GPR39: variants seen among roughly 807,000 people sequenced by gnomAD.
GPR39 encodes zinc sensing receptor.
Under a neutral mutation model 18.4 loss-of-function variants are expected in GPR39, and 23 were observed. The observed-to-expected ratio is 1.25, with a 90% confidence interval of 0.90 to 1.77. The LOEUF (loss-of-function observed/expected upper bound fraction) is 1.77, where lower values mean the gene tolerates loss of function less well. Ranked by LOEUF, GPR39 falls within the 40% of genes most tolerant of loss-of-function variation. The pLI, the probability that GPR39 is intolerant of heterozygous loss-of-function variation, is 0.00. For synonymous variants in GPR39, 280 were observed against 257.9 expected, an observed-to-expected ratio of 1.09 and a Z score of -0.82; for missense variants, 647 against 602.4, an observed-to-expected ratio of 1.07 and a Z score of -0.78.
chr2:132,416,858 G>T lies in GPR39; in HGVS notation c.-185G>T. The T allele has an allele frequency of 1.3e-6, 1 of 748,176 alleles. No individual in the cohort carries two copies. Among genetic ancestry groups the T allele is most frequent in the Non-Finnish European group, 2.1e-6 (1 of 469,604 alleles). 46.3% of individuals were successfully genotyped at this position (748,176 alleles called of 1,614,324 possible). ...GCGCCTCCTGGGCCTCTCCTAGGTT[G>T]GGCTGCTCCAGCAAGTTTCCATGAA... On this transcript the variant is annotated 5_prime_UTR_variant, in exon 1 of 2. Transcript: ENST00000329321.
intron 1 of GPR39, among the ~76,000 whole-genome samples, chr2:132,560,088 T>A (rs764317119): frequency 6.6e-6 from 1 of 152,080 alleles, no homozygotes; most frequent in Non-Finnish European, 1.5e-5. Flanking sequence ...GGGAGCTGTC[T>A]GCATCCCTCA....
chr2:132,573,082 C>T lies in GPR39; in HGVS notation c.857-72019C>T, dbSNP rs562534930. ...TGGGCTGTATGTCCCATCATTGCTG[C>T]CCCTACTGCCCCATGGGTAAGGCTG... On this transcript the variant is annotated intron_variant, in intron 1 of 1. Coordinates refer to ENST00000329321, the MANE Select transcript of GPR39 (RefSeq NM_001508.3). 3.0e-4 allele frequency among the ~76,000 whole-genome samples: 45 copies of T among 152,268 alleles called. 1 individual carries two copies. The highest frequency in any genetic ancestry group is 6.3e-4 in the Non-Finnish European group (43 of 68,004).
At chr2:132,527,072 G>T (rs1348849792) in intron 1 of GPR39, among the ~76,000 whole-genome samples, 1 of 152,094 alleles carries the variant, frequency 6.6e-6, no homozygotes, top group Admixed American at 6.6e-5. Context: ...GCATGGATTA[G>T]GTATTTGTCC....
intron 1 of GPR39, among the ~76,000 whole-genome samples, chr2:132,428,936 C>T (rs58973088): frequency 0.21 from 32,615 of 152,118 alleles, 3,679 homozygotes; most frequent in African/African-American, 0.26. Flanking sequence ...CATTGGGGGT[C>T]GGGGTTTCCC....
At chr2:132,619,673 G>C (rs180881070) in intron 1 of GPR39, among the ~76,000 whole-genome samples, 2 of 152,276 alleles carry the variant, frequency 1.3e-5, no homozygotes, top group East Asian at 3.9e-4. Flanking sequence ...AAAGGTGGCT[G>C]TCCAATTGGT....
At chr2:132,501,420 A>T (rs568549727) in intron 1 of GPR39, among the ~76,000 whole-genome samples, 189 of 152,114 alleles carry the variant, frequency 1.2e-3, no homozygotes, top group African/African-American at 4.4e-3. Context: ...TTTCAATTTT[A>T]TTTCACTGTG....
intron 1 of GPR39, among the ~76,000 whole-genome samples, chr2:132,419,423 G>A (rs999937349): frequency 6.6e-6 from 1 of 152,238 alleles, no homozygotes; most frequent in African/African-American, 2.4e-5. Context: ...TCACAGGCGT[G>A]TGGTGAAAGG....
Position 132,417,105 on chromosome 2 carries a change from C to G in GPR39, c.63C>G (p.Pro21=), listed in dbSNP as rs768106037. 6.2e-7 allele frequency: 1 copy of G among 1,614,010 alleles called. No individual in the cohort carries two copies. The highest frequency in any genetic ancestry group is 8.5e-7 in the Non-Finnish European group (1 of 1,180,050). The part of the protein sequence containing the change: ...CSQIIDHSHV[P]EFEVATWIKI... ...AAATCATTGATCACAGTCATGTCCC[C>G]GAGTTTGAGGTGGCCACCTGGATCA... is the stretch of plus-strand genomic sequence containing the variant. Residue 21 remains proline (P), a synonymous_variant, in exon 1 of 2, where the codon CCC becomes CCG. Transcript: ENST00000329321.
intron 1 of GPR39, among the ~76,000 whole-genome samples, chr2:132,504,856 G>A (rs889301852): frequency 1.3e-5 from 2 of 152,064 alleles, no homozygotes; most frequent in Non-Finnish European, 2.9e-5. Context: ...AACAACAATG[G>A]GGTGCCTAAA....
At chr2:132,535,694 G>GTTTTTTTTTTTTTTTTTTTTTT (rs1252242856) in intron 1 of GPR39, among the ~76,000 whole-genome samples, 4 of 60,986 alleles carry the variant, frequency 6.6e-5, no homozygotes, top group Admixed American at 1.6e-4. Context: ...CTGGTCCTGG[G>GTTTTTTTTTTTTTTTTTTTTTT]CTTTTTTTTT....
intron 1 of GPR39, among the ~76,000 whole-genome samples, chr2:132,614,178 T>C (rs76185935): frequency 1.0e-5 from 1 of 96,656 alleles, no homozygotes; most frequent in Non-Finnish European, 2.3e-5. Context: ...ACTTGCTTGC[T>C]TTTTTTTTTG....
intron 1 of GPR39, among the ~76,000 whole-genome samples, chr2:132,427,667 T>C (rs1680151484): frequency 6.6e-6 from 1 of 150,418 alleles, no homozygotes; most frequent in Non-Finnish European, 1.5e-5. Context: ...GACAGCTACA[T>C]CTTTTTGTTT....
At chr2:132,583,835 A>G (rs1297554692) in intron 1 of GPR39, among the ~76,000 whole-genome samples, 1 of 151,538 alleles carries the variant, frequency 6.6e-6, no homozygotes, top group Non-Finnish European at 1.5e-5. Context: ...CAGCACAGCA[A>G]TGTCCTCTCC....
At chr2:132,554,629 C>T (rs1680110931) in intron 1 of GPR39, among the ~76,000 whole-genome samples, 1 of 152,180 alleles carries the variant, frequency 6.6e-6, no homozygotes, top group Admixed American at 6.5e-5. Flanking sequence ...ACAAGCACTT[C>T]CTATTCACTC....
At chr2:132,460,544 T>A (rs573717226) in intron 1 of GPR39, among the ~76,000 whole-genome samples, 36 of 152,192 alleles carry the variant, frequency 2.4e-4, no homozygotes, top group Non-Finnish European at 3.7e-4. Flanking sequence ...AAAATAGTAA[T>A]TCAAACCATA....
At chr2:132,588,167 AG>A (rs1337882502) in intron 1 of GPR39, among the ~76,000 whole-genome samples, 2 of 152,172 alleles carry the variant, frequency 1.3e-5, no homozygotes, top group Non-Finnish European at 2.9e-5. Context: ...GAGTTAAAAA[AG>A]GCAGGCAGTG....
chr2:132,508,739 C>T (rs1254078595), intron 1 of GPR39, among the ~76,000 whole-genome samples: 2 of 152,220 alleles, frequency 1.3e-5, no homozygotes, highest in Non-Finnish European at 2.9e-5. Flanking sequence ...CACCTGCCAT[C>T]AGCCCCAGGG....
At chr2:132,426,767 G>A (rs529100828) in intron 1 of GPR39, among the ~76,000 whole-genome samples, 51 of 152,310 alleles carry the variant, frequency 3.3e-4, no homozygotes, top group African/African-American at 1.1e-3. Context: ...TTTGCACACC[G>A]CAAAGGTGGC....
rs139617312 is a variant in GPR39 at position 132,596,625 on chromosome 2, C to A, written c.857-48476C>A. ...CAATCTGAAATTCTTCTTTCCTCCC[C>A]TCCTTCTCCCAATCTTTATTTTTCA... On this transcript the variant is annotated intron_variant, in intron 1 of 1. Transcript: ENST00000329321. Among the ~76,000 whole-genome samples the A allele has an allele frequency of 4.4e-3, 665 of 152,162 alleles. 2 individuals carry two copies. The highest frequency in any genetic ancestry group is 0.015 in the African/African-American group (613 of 41,506).
Sources: allele counts gnomAD v4.1 joint callset (sites outside exome capture counted in the v4.1 genomes callset), GRCh38; gene constraint gnomAD v4.1.1; transcripts MANE v1.5; gene names NCBI Gene and HGNC (gene_info 2026-07-23, HGNC 2026-07-21).